CFAP206: variants seen among roughly 807,000 people sequenced by gnomAD.
CFAP206 encodes cilia and flagella associated protein 206.
CFAP206 carries 53 observed loss-of-function variants against 65.4 expected under a neutral mutation model. The observed-to-expected ratio is 0.81, with a 90% CI of 0.65 to 1.02. The LOEUF (loss-of-function observed/expected upper bound fraction) is 1.02, where lower values mean the gene tolerates loss of function less well. Ranked by LOEUF, CFAP206 falls within the 50% of genes least tolerant of loss-of-function variation. The pLI, the probability that CFAP206 is intolerant of heterozygous loss-of-function variation, is 0.00. For missense variants in CFAP206, 663 were observed against 753.2 expected (o/e 0.88, Z 1.40); for synonymous variants, 250 against 254.4 (o/e 0.98, Z 0.17).
intron 1 of CFAP206, chr6:87,408,698 A>T (rs961110470): frequency 6.7e-6 from 1 of 150,308 alleles, no homozygotes; most frequent in Admixed American, 6.6e-5. Context: ...GATTCCCTTA[A>T]GCCGCGCACT....
At chr6:87,452,451 TC>T (rs2127956457) in intron 11 of CFAP206, among the ~76,000 whole-genome samples, 1 of 152,140 alleles carries the variant, frequency 6.6e-6, no homozygotes, top group East Asian at 1.9e-4. Flanking sequence ...ATCAAGACCA[TC>T]CAGGAAAACA....
intron 3 of CFAP206, 139 bp from the exon 4 acceptor site, chr6:87,413,669 GAA>G: frequency 9.6e-6 from 5 of 523,490 alleles, no homozygotes; most frequent in Middle Eastern, 4.0e-4. Flanking sequence ...TCCTCAAGGA[GAA>G]AAAAAAAATA....
Position 87,418,215 on chromosome 6 carries a change from T to C in CFAP206, c.639T>C (p.Ala213=). 1 of 1,614,128 alleles carries C rather than the reference T, an allele frequency of 6.2e-7. No homozygotes were observed. The highest frequency in any genetic ancestry group is 8.5e-7 in the Non-Finnish European group (1 of 1,180,012). The part of the protein sequence containing the change: ...KGGEGIDDLP[A]VLHVAIPATM... ...TCATACTCTTACAAACAGTGCCAGCTGTTCTCCATGTAGCAATCCCAGCCA... is the reference window on the plus strand; with the variant it reads ...TCATACTCTTACAAACAGTGCCAGCCGTTCTCCATGTAGCAATCCCAGCCA... Residue 213 remains alanine, a synonymous_variant, in exon 7 of 13, where the codon GCT becomes GCC. Transcript: ENST00000369562.
At chr6:87,440,794 A>C (rs1034819537) in intron 11 of CFAP206, among the ~76,000 whole-genome samples, 1 of 152,190 alleles carries the variant, frequency 6.6e-6, no homozygotes, top group Admixed American at 6.5e-5. Flanking sequence ...AATGAGGATG[A>C]AAGTTCTGTA....
chr6:87,447,464 G>C (rs2092648), intron 11 of CFAP206, among the ~76,000 whole-genome samples: 40,367 of 152,040 alleles, frequency 0.27, 5,661 homozygotes, highest in Admixed American at 0.38. Flanking sequence ...TTCTGTTTAT[G>C]TGATGAATTA....
At chr6:87,417,755 C>CTTT (rs11394814) in intron 6 of CFAP206, among the ~76,000 whole-genome samples, 3,462 of 121,674 alleles carry the variant, frequency 0.028, 88 homozygotes, top group Middle Eastern at 0.047. Flanking sequence ...GTTTTAGATT[C>CTTT]TTTTTTTTTT....
chr6:87,445,114 C>A, intron 11 of CFAP206: 1 of 430,540 alleles, frequency 2.3e-6, no homozygotes, highest in South Asian at 1.7e-5. Flanking sequence ...TCAGTGGCAG[C>A]CACTTTCTTA....
Position 87,415,758 on chromosome 6 carries a change from A to T in CFAP206, c.356A>T (p.Asn119Ile). ...TCTGTTACCCGAGAAATTACAGATA[A>T]CAGAGCATGTGCTAAAGAAGAATTG... ...LGSVTREITD[N>I]RACAKEELES... The change falls in exon 5 of 13, where the codon AAC (asparagine) becomes ATC (isoleucine). Residue 119 changes from asparagine to isoleucine, a missense_variant. Transcript: ENST00000369562. The T allele has an allele frequency of 6.2e-7, 1 of 1,613,598 alleles. No homozygotes were observed. The highest frequency in any genetic ancestry group is 8.5e-7 in the Non-Finnish European group (1 of 1,179,716).
intron 7 of CFAP206, among the ~76,000 whole-genome samples, chr6:87,419,417 A>G (rs1767900053): frequency 6.6e-6 from 1 of 152,200 alleles, no homozygotes; most frequent in Non-Finnish European, 1.5e-5. Flanking sequence ...TCAGAATCTT[A>G]CAAATATAAA....
At chr6:87,445,090 C>T (rs907886654) in intron 11 of CFAP206, 1 of 486,756 alleles carries the variant, frequency 2.1e-6, no homozygotes, top group Non-Finnish European at 4.1e-6. Context: ...TACGGTTCAC[C>T]ATCATTTAGG....
At chr6:87,417,743 T>A (rs1767857303) in intron 6 of CFAP206, among the ~76,000 whole-genome samples, 1 of 148,680 alleles carries the variant, frequency 6.7e-6, no homozygotes, top group East Asian at 2.0e-4. Context: ...TTGTTTGAAC[T>A]TGTTTTAGAT....
At chr6:87,418,807 T>C (rs1386786100) in intron 7 of CFAP206, among the ~76,000 whole-genome samples, 1 of 149,082 alleles carries the variant, frequency 6.7e-6, no homozygotes, top group Non-Finnish European at 1.5e-5. Flanking sequence ...TGGTACAAAA[T>C]ATTTTTTTAA....
At chr6:87,456,978 T>C (rs983974724) in intron 11 of CFAP206, among the ~76,000 whole-genome samples, 1 of 151,394 alleles carries the variant, frequency 6.6e-6, no homozygotes, top group African/African-American at 2.4e-5. Flanking sequence ...TGAAACCCCG[T>C]CTCTACTAAA....
At chr6:87,444,769 A>G (rs1386296591) in intron 11 of CFAP206, 5 of 484,072 alleles carry the variant, frequency 1.0e-5, no homozygotes, top group Non-Finnish European at 2.0e-5. Flanking sequence ...ATGTTCTGCA[A>G]TTTTCTAGGC....
At chr6:87,450,474 A>AGT in intron 11 of CFAP206, among the ~76,000 whole-genome samples, 1 of 105,098 alleles carries the variant, frequency 9.5e-6, no homozygotes, top group South Asian at 3.5e-4. Context: ...AATAAATGAA[A>AGT]ATGTGTGTGT....
Position 87,418,308 on chromosome 6 carries a change from T to G in CFAP206, c.732T>G (p.Leu244=), listed in dbSNP as rs769926139. 1.1e-5 allele frequency: 18 copies of G among 1,614,038 alleles called. No homozygotes were observed. In the South Asian group the frequency reaches 1.9e-4, roughly 17 times the overall value. ...RSQVYRYTAI[L]EKAANDPLMR... The stretch of plus-strand genomic sequence containing the variant: ...AGGTATACCGCTACACAGCCATCCT[T>G]GAGAAGGCAGCCAACGACCCACTCA... The change falls in exon 7 of 13, where the codon CTT becomes CTG. Residue 244 remains leucine (L), a synonymous_variant. Transcript: ENST00000369562.
intron 8 of CFAP206, among the ~76,000 whole-genome samples, chr6:87,427,578 C>T (rs766917167): frequency 6.6e-6 from 1 of 152,100 alleles, no homozygotes; most frequent in Non-Finnish European, 1.5e-5. Flanking sequence ...TTCATTTGTT[C>T]TATAAGTCAG....
At chr6:87,418,041 A>C (rs1351232187) in intron 6 of CFAP206, among the ~76,000 whole-genome samples, 167 bp from the exon 7 acceptor site, 2 of 151,784 alleles carry the variant, frequency 1.3e-5, no homozygotes, top group African/African-American at 4.8e-5. Flanking sequence ...CCCGGCCTAG[A>C]TTTTCTTTAT....
At chr6:87,444,487 A>G in intron 11 of CFAP206, 1 of 228,346 alleles carries the variant, frequency 4.4e-6, no homozygotes, top group Non-Finnish European at 9.1e-6. Context: ...GCTGGGTTGT[A>G]GGCCACATCC....
Sources: gnomAD v4.1 joint callset for allele counts (sites outside exome capture counted in the v4.1 genomes callset) on GRCh38, gnomAD v4.1.1 for gene constraint, MANE v1.5 for transcripts, NCBI Gene and HGNC (gene_info 2026-07-23, HGNC 2026-07-21) for gene names.